The following ST6GALNAC3 variants were observed in gnomAD, a reference collection of about 807,000 sequenced individuals.
ST6GALNAC3 encodes alpha-N-acetylgalactosaminide alpha-2,6-sialyltransferase 3.
In ST6GALNAC3, 25 loss-of-function variants were observed where a neutral mutation model predicts 32.7. The ratio of observed to expected loss-of-function variants is 0.76; its 90% CI spans 0.56 to 1.07. The LOEUF (loss-of-function observed/expected upper bound fraction) is 1.07, where lower values mean the gene tolerates loss of function less well. Ranked by LOEUF, ST6GALNAC3 falls within the 50% of genes least tolerant of loss-of-function variation. ST6GALNAC3 has a pLI of 0.00. For missense variants in ST6GALNAC3, 355 were observed against 382.4 expected, an observed-to-expected ratio of 0.93 and a Z score of 0.60; for synonymous variants, 129 against 133.1, an observed-to-expected ratio of 0.97 and a Z score of 0.21.
chr1:76,218,158 C>T (rs1655576322), intron 1 of ST6GALNAC3, among the ~76,000 whole-genome samples: 1 of 152,076 alleles, frequency 6.6e-6, no homozygotes, highest in African/African-American at 2.4e-5. Flanking sequence ...TCCCTTTTCA[C>T]CACATCCATG....
At chr1:76,131,142 C>A (rs533257046) in intron 1 of ST6GALNAC3, among the ~76,000 whole-genome samples, 1 of 152,346 alleles carries the variant, frequency 6.6e-6, no homozygotes, top group South Asian at 2.1e-4. Context: ...TTCTATTTAA[C>A]CTTCTCCGTA....
intron 1 of ST6GALNAC3, among the ~76,000 whole-genome samples, chr1:76,284,016 G>GTTGCAAGATGAGAATC (rs1553173484): frequency 6.6e-6 from 1 of 151,948 alleles, no homozygotes; most frequent in African/African-American, 2.4e-5. Flanking sequence ...GCCCTGGCTT[G>GTTGCAAGATGAGAATC]TTGGGATTGG....
Position 76,112,392 on chromosome 1 carries a change from C to T in ST6GALNAC3, c.18+37508C>T, listed in dbSNP as rs540994205. Among the ~76,000 whole-genome samples the T allele has an allele frequency of 4.8e-3, 701 of 145,194 alleles. 23 individuals are homozygous for T. Among genetic ancestry groups the T allele is most frequent in the African/African-American group, 0.018 (664 of 37,414 alleles). Reference sequence around the variant, plus strand: ...GGGGCTGACCCCCCCACCTCCTTCCCGGACTGGGCGGCTGGCCGGGCGGGG... The same window carrying T: ...GGGGCTGACCCCCCCACCTCCTTCCTGGACTGGGCGGCTGGCCGGGCGGGG... On this transcript the variant is annotated intron_variant, in intron 1 of 4. Coordinates refer to ENST00000328299, the MANE Select transcript of ST6GALNAC3 (RefSeq NM_152996.4).
intron 1 of ST6GALNAC3, among the ~76,000 whole-genome samples, chr1:76,240,319 C>G (rs1166120287): frequency 6.6e-6 from 1 of 152,188 alleles, no homozygotes; most frequent in Non-Finnish European, 1.5e-5. Context: ...TATAAAGTTT[C>G]TAACTTGTTT....
intron 1 of ST6GALNAC3, among the ~76,000 whole-genome samples, chr1:76,284,020 G>GAA (rs1659642662): frequency 6.6e-6 from 1 of 152,002 alleles, no homozygotes; most frequent in Non-Finnish European, 1.5e-5. Flanking sequence ...TGGCTTGTTG[G>GAA]GATTGGATCA....
At chr1:76,394,517 A>G (rs1024162422) in intron 2 of ST6GALNAC3, among the ~76,000 whole-genome samples, 2 of 152,192 alleles carry the variant, frequency 1.3e-5, no homozygotes, top group African/African-American at 4.8e-5. Flanking sequence ...TATAGAAAAG[A>G]TATGGCCACT....
chr1:76,280,013 T>G (rs1241949400), intron 1 of ST6GALNAC3, among the ~76,000 whole-genome samples: 1 of 152,076 alleles, frequency 6.6e-6, no homozygotes, highest in Non-Finnish European at 1.5e-5. Context: ...CATCTTGCCC[T>G]TTCTCTTTTG....
intron 3 of ST6GALNAC3, among the ~76,000 whole-genome samples, chr1:76,536,767 A>C (rs1663634978): frequency 6.6e-6 from 1 of 152,096 alleles, no homozygotes; most frequent in South Asian, 2.1e-4. Context: ...AAAAGGGAAC[A>C]ATTCAACAAG....
chr1:76,230,951 T>C (rs1394987222), intron 1 of ST6GALNAC3, among the ~76,000 whole-genome samples: 1 of 152,260 alleles, frequency 6.6e-6, no homozygotes, highest in Non-Finnish European at 1.5e-5. Flanking sequence ...ACATTTGCAA[T>C]GTAAATTTGC....
chr1:76,220,802 T>A (rs2100603448), intron 1 of ST6GALNAC3, among the ~76,000 whole-genome samples: 1 of 152,342 alleles, frequency 6.6e-6, no homozygotes, highest in Middle Eastern at 3.4e-3. Context: ...GTTCTTCTTC[T>A]TCTCAGAGAT....
At chr1:76,426,696 G>A (rs934809238) in intron 3 of ST6GALNAC3, among the ~76,000 whole-genome samples, 11 of 151,922 alleles carry the variant, frequency 7.2e-5, no homozygotes, top group African/African-American at 2.7e-4. Context: ...ATTATATACT[G>A]TACATAATTG....
At chr1:76,167,920 A>C (rs1399415453) in intron 1 of ST6GALNAC3, among the ~76,000 whole-genome samples, 2 of 151,336 alleles carry the variant, frequency 1.3e-5, no homozygotes, top group African/African-American at 4.8e-5. Flanking sequence ...TGTTTTATTA[A>C]TTTTTATCAA....
At chr1:76,453,569 A>G (rs1657558234) in intron 3 of ST6GALNAC3, among the ~76,000 whole-genome samples, 2 of 152,014 alleles carry the variant, frequency 1.3e-5, no homozygotes, top group South Asian at 4.1e-4. Flanking sequence ...ATTTAATTCC[A>G]ATGTATTTGC....
chr1:76,412,747 A>G (rs1214960203), intron 3 of ST6GALNAC3, among the ~76,000 whole-genome samples: 5 of 152,100 alleles, frequency 3.3e-5, no homozygotes. Flanking sequence ...TTTCTGTTTC[A>G]AAACCTAGTA....
intron 1 of ST6GALNAC3, among the ~76,000 whole-genome samples, chr1:76,296,427 T>C (rs760779270): frequency 7.9e-5 from 12 of 152,116 alleles, no homozygotes; most frequent in Non-Finnish European, 1.5e-4. Flanking sequence ...GTCACCCCAT[T>C]GAGGTGCTAA....
chr1:76,471,606 G>A lies in ST6GALNAC3; in HGVS notation c.623+59189G>A, dbSNP rs367759516. Among the ~76,000 whole-genome samples the A allele has an allele frequency of 2.3e-4, 35 of 152,028 alleles. 1 individual carries two copies. The highest frequency in any genetic ancestry group is 3.4e-3 in the Middle Eastern group (1 of 294). The stretch of plus-strand genomic sequence containing the variant: ...TAGCACTTCAAACCTAAGAGAGTAG[G>A]GCCCTATTTTCTTTCAAATCTCTCT... On this transcript the variant is annotated intron_variant, in intron 3 of 4. Transcript: ENST00000328299.
chr1:76,157,401 C>A (rs960780604), intron 1 of ST6GALNAC3, among the ~76,000 whole-genome samples: 1 of 152,154 alleles, frequency 6.6e-6, no homozygotes, highest in African/African-American at 2.4e-5. Context: ...TTGTTCAATT[C>A]CAGTATACAT....
rs371834373 is a variant in ST6GALNAC3, at chr1:76,277,694, G to A, written c.19-36111G>A. 6.6e-5 allele frequency among the ~76,000 whole-genome samples: 10 copies of A among 151,208 alleles called. No homozygotes were observed. In the East Asian group the frequency reaches 1.2e-3, roughly 18 times the overall value. Reference sequence around the variant, plus strand: ...TACACATATATGTCTTTAACTTAACGTGAAGGAGGAGTCTTATTTCATCTG... The same window carrying A: ...TACACATATATGTCTTTAACTTAACATGAAGGAGGAGTCTTATTTCATCTG... On this transcript the variant is annotated intron_variant, in intron 1 of 4. Transcript: ENST00000328299.
At chr1:76,513,084 T>C (rs1055564910) in intron 3 of ST6GALNAC3, among the ~76,000 whole-genome samples, 1 of 152,178 alleles carries the variant, frequency 6.6e-6, no homozygotes, top group Non-Finnish European at 1.5e-5. Context: ...CTATAGGTTG[T>C]CTCTTCTCTT....
Sources: gnomAD v4.1 joint callset for allele counts (sites outside exome capture counted in the v4.1 genomes callset) on GRCh38, gnomAD v4.1.1 for gene constraint, MANE v1.5 for transcripts, NCBI Gene and HGNC (gene_info 2026-07-23, HGNC 2026-07-21) for gene names.